The following SGCZ variants were observed in gnomAD, a reference collection of about 807,000 sequenced individuals.
SGCZ encodes the protein sarcoglycan zeta.
In SGCZ, 40 loss-of-function variants were observed where a neutral mutation model predicts 41.3. That is an observed-to-expected ratio of 0.97 (90% CI 0.75 to 1.26). The LOEUF (loss-of-function observed/expected upper bound fraction) is 1.26, where lower values mean the gene tolerates loss of function less well. Ranked by LOEUF, SGCZ falls within the 50% of genes most tolerant of loss-of-function variation. The probability of loss-of-function intolerance (pLI) is 0.00; values close to 1 mark genes in which losing one functional copy is unlikely to be tolerated. For synonymous variants in SGCZ, 206 were observed against 137.5 expected (o/e 1.50, Z -3.49); for missense variants, 552 against 369.8 (o/e 1.49, Z -4.04).
intron 1 of SGCZ, among the ~76,000 whole-genome samples, chr8:15,225,162 G>C (rs997413757): frequency 1.3e-5 from 2 of 152,080 alleles, no homozygotes; most frequent in African/African-American, 4.8e-5. Flanking sequence ...CTCAGAATAT[G>C]TACAAATATT....
At chr8:14,411,486 C>T (rs564609977) in intron 2 of SGCZ, among the ~76,000 whole-genome samples, 5 of 152,024 alleles carry the variant, frequency 3.3e-5, no homozygotes, top group East Asian at 3.9e-4. Flanking sequence ...ATGACATTAC[C>T]GAGGGAAGAT....
rs557569419 is a variant in SGCZ at position 14,554,904 on chromosome 8, A to G, written c.62T>C (p.Leu21Pro). The G allele has an allele frequency of 1.8e-5, 29 of 1,612,580 alleles. No homozygotes were observed. The East Asian group carries it at 3.8e-4, about 21-fold the overall frequency. The change falls in exon 2 of 8, where the codon CTA (leucine) becomes CCA (proline). Residue 21 changes from leucine to proline, a missense_variant. Physicochemically the swap from Leu to Pro is moderately conservative, Grantham distance 98. Coordinates refer to ENST00000382080, the MANE Select transcript of SGCZ (RefSeq NM_139167.4). Reference protein sequence around the residue: ...ELKMTREQYILATQQNNLPRT... With the variant: ...ELKMTREQYIPATQQNNLPRT... Reference sequence around the variant, plus strand: ...TGGCAGGTTATTCTGTTGGGTTGCTAGTATGTATTGTTCTCGTGTCATCTG... The same window carrying G: ...TGGCAGGTTATTCTGTTGGGTTGCTGGTATGTATTGTTCTCGTGTCATCTG...
At position 14,963,103 on chromosome 8, in the gene SGCZ, C is replaced by G. The variant is rs190299041; in HGVS notation, c.39+274482G>C. ...TTTCCATTGTATTTCTTTACTAAAG[C>G]CAAAGCCCAGAAACTTGGGTCACAA... On this transcript the variant is annotated intron_variant, in intron 1 of 7. Transcript: ENST00000382080. Among the ~76,000 whole-genome samples the G allele has an allele frequency of 2.0e-3, 310 of 152,220 alleles. 2 individuals are homozygous for G. Among genetic ancestry groups the G allele is most frequent in the African/African-American group, 7.2e-3 (300 of 41,530 alleles).
At chr8:14,566,865 G>C (rs375549841) in intron 1 of SGCZ, among the ~76,000 whole-genome samples, 3 of 152,170 alleles carry the variant, frequency 2.0e-5, no homozygotes, top group Non-Finnish European at 4.4e-5. Context: ...CGGTGCTTGC[G>C]GGCCAGTGCG....
rs578043217 is a variant in SGCZ, at chr8:14,591,892, A to G, written c.40-36966T>C. Among the ~76,000 whole-genome samples the G allele has an allele frequency of 3.9e-5, 6 of 152,220 alleles. No individual in the cohort carries two copies. In the South Asian group the frequency reaches 1.2e-3, roughly 32 times the overall value. ...TCCACTTTCCTGCTAAGTCCATACA[A>G]TTAGATTACTACAGGGACTTCATTA... On this transcript the variant is annotated intron_variant, in intron 1 of 7. Coordinates refer to ENST00000382080, the MANE Select transcript of SGCZ (RefSeq NM_139167.4).
intron 1 of SGCZ, among the ~76,000 whole-genome samples, chr8:15,212,305 A>T (rs1801258784): frequency 6.6e-6 from 1 of 152,138 alleles, no homozygotes; most frequent in African/African-American, 2.4e-5. Context: ...TTGCACAGAA[A>T]TATACATGAG....
intron 1 of SGCZ, among the ~76,000 whole-genome samples, chr8:14,818,830 G>C (rs189067402): frequency 6.6e-6 from 1 of 151,952 alleles, no homozygotes; most frequent in Non-Finnish European, 1.5e-5. Flanking sequence ...GCAGAAGATA[G>C]AATTTCTGAT....
chr8:14,616,536 T>C (rs571777171), intron 1 of SGCZ, among the ~76,000 whole-genome samples: 1 of 152,254 alleles, frequency 6.6e-6, no homozygotes, highest in East Asian at 1.9e-4. Flanking sequence ...AATCATCAAA[T>C]GTAAATTTTA....
intron 1 of SGCZ, among the ~76,000 whole-genome samples, chr8:14,654,524 G>C (rs980126145): frequency 2.0e-5 from 3 of 152,062 alleles, no homozygotes; most frequent in African/African-American, 7.2e-5. Context: ...ATAAATATGA[G>C]CTTTACTACT....
At chr8:15,076,829 C>T (rs1805551260) in intron 1 of SGCZ, among the ~76,000 whole-genome samples, 1 of 143,752 alleles carries the variant, frequency 7.0e-6, no homozygotes, top group South Asian at 2.2e-4. Context: ...CGTTACTATT[C>T]TCTTCTGTCT....
In SGCZ at chr8:14,414,802, T is replaced by C. The variant is rs572844715; in HGVS notation, c.235-90598A>G. On this transcript the variant is annotated intron_variant, in intron 2 of 7. Transcript: ENST00000382080. ...ACAGGTAAATAAAGCCATATGTTAG[T>C]ATTTGAAACATTTAATAACAATTAT... 1.8e-3 allele frequency among the ~76,000 whole-genome samples: 271 copies of C among 152,052 alleles called. 1 individual carries two copies. The highest frequency in any genetic ancestry group is 5.8e-3 in the African/African-American group (239 of 41,536).
chr8:14,216,257 C>G (rs1036977607), intron 4 of SGCZ, among the ~76,000 whole-genome samples: 1 of 152,100 alleles, frequency 6.6e-6, no homozygotes, highest in Admixed American at 6.6e-5. Flanking sequence ...AATTTTCTTT[C>G]GAAGATTTGC....
intron 1 of SGCZ, among the ~76,000 whole-genome samples, chr8:14,704,684 G>C (rs1037965091): frequency 1.3e-5 from 2 of 151,848 alleles, no homozygotes. Flanking sequence ...TAACCCAGCT[G>C]CATATACTTG....
At chr8:14,140,063 G>C (rs920487620) in intron 5 of SGCZ, among the ~76,000 whole-genome samples, 2 of 151,186 alleles carry the variant, frequency 1.3e-5, no homozygotes, top group Non-Finnish European at 1.5e-5. Context: ...CAGAACCAAA[G>C]ATCAAAACCA....
At chr8:14,704,995 A>G (rs889835546) in intron 1 of SGCZ, among the ~76,000 whole-genome samples, 2 of 152,004 alleles carry the variant, frequency 1.3e-5, no homozygotes, top group Non-Finnish European at 2.9e-5. Flanking sequence ...TGAAATTGAC[A>G]TTTATTAGAA....
intron 1 of SGCZ, among the ~76,000 whole-genome samples, chr8:14,702,928 G>GGT (rs1809210228): frequency 1.4e-5 from 1 of 70,220 alleles, no homozygotes; most frequent in African/African-American, 4.4e-5. Context: ...TAGGTAGGTA[G>GGT]ATAGATAGAT....
chr8:14,213,795 T>G (rs1268745793), intron 4 of SGCZ, among the ~76,000 whole-genome samples: 1 of 152,080 alleles, frequency 6.6e-6, no homozygotes, highest in South Asian at 2.1e-4. Context: ...ATGTAAAAGA[T>G]CATGGGACCT....
chr8:14,493,300 C>T (rs1411760611), intron 2 of SGCZ, among the ~76,000 whole-genome samples: 1 of 143,104 alleles, frequency 7.0e-6, no homozygotes, highest in Non-Finnish European at 1.5e-5. Flanking sequence ...ATGTAAAATA[C>T]TTCTTGTCTT....
intron 2 of SGCZ, among the ~76,000 whole-genome samples, chr8:14,529,960 T>C (rs1185527447): frequency 6.6e-6 from 1 of 152,148 alleles, no homozygotes; most frequent in South Asian, 2.1e-4. Context: ...AATTACTTTA[T>C]ACATTAAGAA....
Sources: allele counts gnomAD v4.1 joint callset (sites outside exome capture counted in the v4.1 genomes callset), GRCh38; gene constraint gnomAD v4.1.1; transcripts MANE v1.5; gene names NCBI Gene and HGNC (gene_info 2026-07-23, HGNC 2026-07-21).